The following DLG1 variants were observed in gnomAD, a reference collection of about 807,000 sequenced individuals.
The protein encoded by DLG1 is discs large MAGUK scaffold protein 1, also known as disks large homolog 1.
A neutral mutation model predicts 123.4 loss-of-function variants in DLG1; 42 were observed. That is an observed-to-expected ratio of 0.34 (90% confidence interval 0.27 to 0.44). The LOEUF (loss-of-function observed/expected upper bound fraction) is 0.44, where lower values mean the gene tolerates loss of function less well. Ranked by LOEUF, DLG1 falls within the 20% of genes least tolerant of loss-of-function variation. The probability of loss-of-function intolerance (pLI) is 1.00; values close to 1 mark genes in which losing one functional copy is unlikely to be tolerated. For missense variants in DLG1, 942 were observed against 1,082.6 expected (o/e 0.87, Z 1.82); for synonymous variants, 317 against 356.2 (o/e 0.89, Z 1.24).
At chr3:197,095,388 T>C (rs1358887217) in intron 14 of DLG1, among the ~76,000 whole-genome samples, 1 of 152,168 alleles carries the variant, frequency 6.6e-6, no homozygotes, top group Non-Finnish European at 1.5e-5. Flanking sequence ...CACGTCTTTT[T>C]AGATCTTTGA....
intron 23 of DLG1, among the ~76,000 whole-genome samples, chr3:197,052,792 T>C (rs1728817655): frequency 6.6e-6 from 1 of 151,548 alleles, no homozygotes; most frequent in East Asian, 1.9e-4. Context: ...AAATGGGAGG[T>C]GTGGCGGGGT....
chr3:197,245,873 G>A (rs867705360), intron 4 of DLG1, among the ~76,000 whole-genome samples: 27 of 138,902 alleles, frequency 1.9e-4, no homozygotes, highest in Middle Eastern at 3.6e-3. Context: ...TTGATGTCCT[G>A]GGACATGGAC....
intron 12 of DLG1, among the ~76,000 whole-genome samples, chr3:197,118,662 C>G (rs76083050): frequency 6.6e-6 from 1 of 152,122 alleles, no homozygotes; most frequent in Non-Finnish European, 1.5e-5. Flanking sequence ...TCTATAGTGT[C>G]TTATTACTAT....
rs530112081 is a variant in DLG1 at position 197,139,865 on chromosome 3, T to C, written c.713+275A>G. ...TGAAAACACAAAGGGAAACTCATGA[T>C]TTCTATAAATATGCTCACAAAGATT... On this transcript the variant is annotated intron_variant, in intron 8 of 24. Coordinates refer to ENST00000667157, the MANE Select transcript of DLG1 (RefSeq NM_001366207.1). Among the ~76,000 whole-genome samples, 3 of 152,346 alleles carry C rather than the reference T, an allele frequency of 2.0e-5. No individual in the cohort carries two copies. The East Asian group carries it at 5.8e-4, about 29-fold the overall frequency.
chr3:197,081,392 A>ATGAG (rs1386922031), intron 16 of DLG1, among the ~76,000 whole-genome samples: 2 of 152,228 alleles, frequency 1.3e-5, no homozygotes, highest in Non-Finnish European at 2.9e-5. Context: ...ATATGAAAGT[A>ATGAG]TGAGGCACCA....
rs183203393 is a variant in DLG1, at chr3:197,164,561, T to C, written c.484-14765A>G. Among the ~76,000 whole-genome samples, 8 of 152,112 alleles carry C rather than the reference T, an allele frequency of 5.3e-5. No homozygotes were observed. In the East Asian group the frequency reaches 1.2e-3, roughly 22 times the overall value. On this transcript the variant is annotated intron_variant, in intron 5 of 24. Transcript: ENST00000667157. ...TTCTATTTGGTAAATCGTGGAATAT[T>C]TGAAATACCCAAAGGTGTCAGAATT...
chr3:197,292,358 C>T (rs558288348), intron 3 of DLG1, among the ~76,000 whole-genome samples: 2 of 152,248 alleles, frequency 1.3e-5, no homozygotes, highest in East Asian at 3.9e-4. Flanking sequence ...TGAAATAAGC[C>T]AGTCGCAAAA....
intron 24 of DLG1, among the ~76,000 whole-genome samples, chr3:197,049,549 G>A (rs889410715): frequency 2.0e-5 from 3 of 152,140 alleles, no homozygotes; most frequent in Non-Finnish European, 4.4e-5. Flanking sequence ...GAGGTCAAGA[G>A]TTCGACTAGC....
chr3:197,212,463 A>C (rs1301735953), intron 4 of DLG1, among the ~76,000 whole-genome samples: 1 of 152,250 alleles, frequency 6.6e-6, no homozygotes, highest in Non-Finnish European at 1.5e-5. Flanking sequence ...TTACAAGACT[A>C]CAGGCAGAGT....
chr3:197,102,606 G>A (rs1764110399), intron 14 of DLG1, among the ~76,000 whole-genome samples: 1 of 152,142 alleles, frequency 6.6e-6, no homozygotes, highest in African/African-American at 2.4e-5. Context: ...TGGGGCTGGG[G>A]GCTGTGGCTC....
intron 6 of DLG1, among the ~76,000 whole-genome samples, 199 bp from the exon 7 acceptor site, chr3:197,142,967 C>G (rs372432562): frequency 6.6e-6 from 1 of 152,194 alleles, no homozygotes; most frequent in Admixed American, 6.5e-5. Flanking sequence ...TGACAACATT[C>G]GTGGTATCAT....
intron 15 of DLG1, among the ~76,000 whole-genome samples, chr3:197,087,468 C>T (rs3846070): frequency 0.27 from 41,687 of 151,670 alleles, 6,075 homozygotes; most frequent in Middle Eastern, 0.36. Context: ...ATCCCTTGAG[C>T]CCAGGAGTCC....
At chr3:197,118,297 T>TA (rs1231151497) in intron 12 of DLG1, among the ~76,000 whole-genome samples, 3 of 152,140 alleles carry the variant, frequency 2.0e-5, no homozygotes, top group Non-Finnish European at 4.4e-5. Context: ...TAGAAAGTAA[T>TA]AAAAATAAAT....
At chr3:197,051,014 T>G (rs1046890191) in intron 24 of DLG1, among the ~76,000 whole-genome samples, 5 of 152,188 alleles carry the variant, frequency 3.3e-5, no homozygotes, top group Admixed American at 6.5e-5. Context: ...AATCTATTTT[T>G]CTCTGGTCAA....
chr3:197,271,874 G>A (rs1764043074), intron 4 of DLG1, among the ~76,000 whole-genome samples: 2 of 152,300 alleles, frequency 1.3e-5, no homozygotes, highest in African/African-American at 4.8e-5. Flanking sequence ...GGAAAAGCAA[G>A]CACAATCTTG....
intron 18 of DLG1, 82 bp downstream of exon 18, chr3:197,076,504 G>T: frequency 9.9e-7 from 1 of 1,008,516 alleles, no homozygotes; most frequent in Non-Finnish European, 1.5e-6. Flanking sequence ...TCTTGAAACT[G>T]TCTCCATGGT....
intron 19 of DLG1, among the ~76,000 whole-genome samples, chr3:197,068,144 A>G (rs1047109475): frequency 1.3e-5 from 2 of 152,304 alleles, no homozygotes; most frequent in South Asian, 4.1e-4. Context: ...TTTATTATCA[A>G]AGTACATAAG....
chr3:197,190,518 A>G (rs1009785148), intron 5 of DLG1, among the ~76,000 whole-genome samples: 1 of 152,226 alleles, frequency 6.6e-6, no homozygotes, highest in Admixed American at 6.5e-5. Context: ...GGAGCAGTGC[A>G]GTTCCAACTC....
intron 4 of DLG1, among the ~76,000 whole-genome samples, chr3:197,257,747 T>G (rs991029572): frequency 4.6e-5 from 7 of 152,138 alleles, no homozygotes. Context: ...CGAAATGCCC[T>G]CAGCTGCGGT....
Sources: gnomAD v4.1 joint callset for allele counts (sites outside exome capture counted in the v4.1 genomes callset) on GRCh38, gnomAD v4.1.1 for gene constraint, MANE v1.5 for transcripts, NCBI Gene and HGNC (gene_info 2026-07-23, HGNC 2026-07-21) for gene names.